ZBTB7C: variants seen among roughly 807,000 people sequenced by gnomAD.
ZBTB7C encodes zinc finger and BTB domain containing 7C, also known as zinc finger and BTB domain-containing protein 7C.
In ZBTB7C, 8 loss-of-function variants were observed where a neutral mutation model predicts 25.7. The ratio of observed to expected loss-of-function variants is 0.31; its 90% CI spans 0.18 to 0.56. The LOEUF is 0.56. ZBTB7C is among the 20% of genes least tolerant of loss of function. The pLI, the probability that ZBTB7C is intolerant of heterozygous loss-of-function variation, is 0.91. For synonymous variants in ZBTB7C, 394 were observed against 369.0 expected (o/e 1.07, Z -0.78); for missense variants, 824 against 855.2 (o/e 0.96, Z 0.46).
chr18:48,095,485 G>T (rs1388111977), intron 3 of ZBTB7C, among the ~76,000 whole-genome samples: 1 of 152,262 alleles, frequency 6.6e-6, no homozygotes, highest in East Asian at 1.9e-4. Flanking sequence ...GCCGAGGCAG[G>T]TTGATCACCT....
At chr18:48,172,467 T>A (rs563595571) in intron 3 of ZBTB7C, among the ~76,000 whole-genome samples, 50 of 152,218 alleles carry the variant, frequency 3.3e-4, no homozygotes, top group African/African-American at 1.1e-3. Flanking sequence ...GGAGTCTGTG[T>A]GCCCTGTCTC....
At chr18:48,113,265 AAT>A (rs2039310000) in intron 3 of ZBTB7C, among the ~76,000 whole-genome samples, 1 of 152,234 alleles carries the variant, frequency 6.6e-6, no homozygotes, top group African/African-American at 2.4e-5. Flanking sequence ...TCATCTGCTA[AAT>A]GGAGATAATA....
chr18:48,298,598 G>A (rs895318344), intron 2 of ZBTB7C, among the ~76,000 whole-genome samples: 3 of 152,164 alleles, frequency 2.0e-5, no homozygotes, highest in African/African-American at 7.2e-5. Flanking sequence ...TACCACTCAT[G>A]CACTTTGGTG....
intron 2 of ZBTB7C, among the ~76,000 whole-genome samples, chr18:48,320,670 G>C (rs2046068856): frequency 6.6e-6 from 1 of 152,210 alleles, no homozygotes; most frequent in Non-Finnish European, 1.5e-5. Flanking sequence ...TGCTATATCA[G>C]AGGCCAAGCC....
intron 3 of ZBTB7C, among the ~76,000 whole-genome samples, chr18:48,043,725 G>A (rs1568172242): frequency 1.3e-5 from 2 of 150,590 alleles, no homozygotes; most frequent in Non-Finnish European, 2.9e-5. Flanking sequence ...TGTTACCACT[G>A]GAGAAAATGC....
chr18:48,234,413 C>T (rs1372457345), intron 2 of ZBTB7C, among the ~76,000 whole-genome samples: 2 of 152,034 alleles, frequency 1.3e-5, no homozygotes, highest in Non-Finnish European at 2.9e-5. Context: ...CTGTCTAACC[C>T]CAACCCCGGT....
chr18:48,182,959 T>C (rs1027740774), intron 3 of ZBTB7C, among the ~76,000 whole-genome samples: 1 of 152,330 alleles, frequency 6.6e-6, no homozygotes, highest in Admixed American at 6.5e-5. Flanking sequence ...AAATTTTATG[T>C]ATAATTTGCT....
At chr18:48,407,108 A>G (rs1038263329) in intron 1 of ZBTB7C, among the ~76,000 whole-genome samples, 2 of 152,226 alleles carry the variant, frequency 1.3e-5, no homozygotes, top group African/African-American at 2.4e-5. Flanking sequence ...ATTTATTCCA[A>G]CACCCCCAGA....
chr18:48,122,277 G>T (rs1303813786), intron 3 of ZBTB7C, among the ~76,000 whole-genome samples: 9 of 152,212 alleles, frequency 5.9e-5, no homozygotes, highest in Non-Finnish European at 1.3e-4. Flanking sequence ...TATTTTAATG[G>T]CGTATAATAT....
intron 3 of ZBTB7C, among the ~76,000 whole-genome samples, chr18:48,127,482 C>A (rs1476779159): frequency 6.6e-6 from 1 of 152,242 alleles, no homozygotes; most frequent in East Asian, 1.9e-4. Context: ...GGCCAAAGAC[C>A]TGCATGGGTG....
chr18:48,163,259 C>T (rs2041129400), intron 3 of ZBTB7C, among the ~76,000 whole-genome samples: 1 of 152,220 alleles, frequency 6.6e-6, no homozygotes, highest in Non-Finnish European at 1.5e-5. Flanking sequence ...TGTGGCTGGG[C>T]ATGAGCATGG....
chr18:48,256,425 T>A (rs2044022011), intron 2 of ZBTB7C, among the ~76,000 whole-genome samples: 1 of 148,314 alleles, frequency 6.7e-6, no homozygotes, highest in African/African-American at 2.5e-5. Flanking sequence ...ATGGTGAAAA[T>A]GCCTTTCTAA....
intron 3 of ZBTB7C, among the ~76,000 whole-genome samples, chr18:48,139,693 C>A (rs1181730606): frequency 6.6e-6 from 1 of 152,056 alleles, no homozygotes; most frequent in Non-Finnish European, 1.5e-5. Context: ...AAGTGGGGAG[C>A]CCCGCCCCAC....
intron 3 of ZBTB7C, chr18:48,149,170 G>A (rs1359750691): frequency 6.6e-6 from 1 of 151,550 alleles, no homozygotes; most frequent in Non-Finnish European, 1.5e-5. Flanking sequence ...GTGTGCGAGT[G>A]TGTGCATGTG....
At chr18:48,333,256 T>C (rs1237937028) in intron 2 of ZBTB7C, among the ~76,000 whole-genome samples, 1 of 152,214 alleles carries the variant, frequency 6.6e-6, no homozygotes, top group Non-Finnish European at 1.5e-5. Context: ...CTTAAGGTGA[T>C]ATAGCAGAAG....
chr18:48,162,264 G>T (rs531571472), intron 3 of ZBTB7C: 1 of 430,436 alleles, frequency 2.3e-6, no homozygotes, highest in Admixed American at 2.4e-5. Flanking sequence ...ACAGAGCCAC[G>T]GGGAGCTAAA....
intron 3 of ZBTB7C, among the ~76,000 whole-genome samples, chr18:48,100,277 A>G (rs1255194160): frequency 1.3e-5 from 2 of 152,344 alleles, no homozygotes; most frequent in South Asian, 2.1e-4. Context: ...GGTCACTTGG[A>G]GTAACGATTC....
At chr18:48,315,257 A>C (rs1267947098) in intron 2 of ZBTB7C, among the ~76,000 whole-genome samples, 1 of 152,226 alleles carries the variant, frequency 6.6e-6, no homozygotes, top group African/African-American at 2.4e-5. Flanking sequence ...GTAAATTGGC[A>C]AACCAACGCT....
intron 2 of ZBTB7C, among the ~76,000 whole-genome samples, chr18:48,228,858 C>T (rs2043178221): frequency 6.6e-6 from 1 of 152,026 alleles, no homozygotes; most frequent in African/African-American, 2.4e-5. Flanking sequence ...CCCTCTCATA[C>T]ACAAACACAC....
Sources: allele counts gnomAD v4.1 joint callset (sites outside exome capture counted in the v4.1 genomes callset), GRCh38; gene constraint gnomAD v4.1.1; transcripts MANE v1.5; gene names NCBI Gene and HGNC (gene_info 2026-07-23, HGNC 2026-07-21).